CDK19: variants seen among roughly 807,000 people sequenced by gnomAD.
The protein encoded by CDK19 is cyclin dependent kinase 19, also known as cyclin-dependent kinase 19.
Under a neutral mutation model 68.3 loss-of-function variants are expected in CDK19, and 20 were observed. That is an observed-to-expected ratio of 0.29 (90% CI 0.21 to 0.43). CDK19 has a LOEUF of 0.43. CDK19 is among the 20% of genes least tolerant of loss of function. The pLI, the probability that CDK19 is intolerant of heterozygous loss-of-function variation, is 1.00. For synonymous variants in CDK19, 221 were observed against 222.8 expected, an observed-to-expected ratio of 0.99 and a Z score of 0.07; for missense variants, 339 against 623.5, an observed-to-expected ratio of 0.54 and a Z score of 4.86.
At chr6:110,770,987 C>A (rs1245151745) in intron 1 of CDK19, among the ~76,000 whole-genome samples, 1 of 152,194 alleles carries the variant, frequency 6.6e-6, no homozygotes, top group Non-Finnish European at 1.5e-5. Flanking sequence ...TGGTCTTGGG[C>A]AGCTCCAACC....
intron 1 of CDK19, among the ~76,000 whole-genome samples, chr6:110,747,250 T>C (rs555837704): frequency 2.0e-5 from 3 of 152,304 alleles, no homozygotes; most frequent in East Asian, 3.9e-4. Flanking sequence ...AAAATCCACA[T>C]TTTAAAACAC....
chr6:110,654,896 A>T (rs1326884502), intron 4 of CDK19, among the ~76,000 whole-genome samples: 1 of 151,848 alleles, frequency 6.6e-6, no homozygotes, highest in Admixed American at 6.6e-5. Context: ...AGCCAAGATC[A>T]TGCCATTGCA....
intron 4 of CDK19, among the ~76,000 whole-genome samples, chr6:110,643,520 TGGCTCAATAAATAAAAAAGGGATACTAAG>T (rs1243390194): frequency 1.8e-4 from 28 of 152,296 alleles, no homozygotes; most frequent in Admixed American, 1.3e-3. Context: ...CTGGATGAAG[TGGCTCAATAAATAAAAAAGGGATACTAAG>T]ATTTTGGGGT....
At position 110,677,594 on chromosome 6, in the gene CDK19, GAA is replaced by G; in HGVS notation, c.205-7055_205-7054del. 4.1e-5 allele frequency among the ~76,000 whole-genome samples: 6 copies of G among 148,068 alleles called. No individual in the cohort carries two copies. The South Asian group carries it at 1.3e-3, about 32-fold the overall frequency. On this transcript the variant is annotated intron_variant, in intron 2 of 12. Transcript: ENST00000368911. ...ATAAAAAAAAAAAAAAAAAAAGGAA[GAA>G]GAAGAAGAAGTGTCACCATTGAGGT...
chr6:110,765,450 G>A (rs1016780784), intron 1 of CDK19, among the ~76,000 whole-genome samples: 1 of 151,668 alleles, frequency 6.6e-6, no homozygotes, highest in Non-Finnish European at 1.5e-5. Context: ...AGGCCGAGGC[G>A]GGTGGATCAC....
At position 110,644,702 on chromosome 6, in the gene CDK19, G is replaced by A. The variant is rs532503012; in HGVS notation, c.457-5996C>T. Among the ~76,000 whole-genome samples the A allele has an allele frequency of 2.6e-5, 4 of 152,166 alleles. No individual in the cohort carries two copies. In the South Asian group the frequency reaches 8.3e-4, roughly 32 times the overall value. ...CGGCACACTTCTTGCCCCCGACCAT[G>A]GAACAGAAAGCCATGATGTTTTTAA... On this transcript the variant is annotated intron_variant, in intron 4 of 12. Transcript: ENST00000368911.
intron 2 of CDK19, among the ~76,000 whole-genome samples, chr6:110,744,650 G>A (rs1777947407): frequency 6.6e-6 from 1 of 152,180 alleles, no homozygotes; most frequent in Non-Finnish European, 1.5e-5. Flanking sequence ...CACTTGCTAT[G>A]TCAGACACTA....
intron 1 of CDK19, among the ~76,000 whole-genome samples, chr6:110,793,682 C>T (rs1781746700): frequency 6.6e-6 from 1 of 152,198 alleles, no homozygotes; most frequent in South Asian, 2.1e-4. Context: ...AACCTGTTTT[C>T]CCTTGTGTTC....
At chr6:110,650,152 A>G (rs1464989891) in intron 4 of CDK19, among the ~76,000 whole-genome samples, 1 of 152,246 alleles carries the variant, frequency 6.6e-6, no homozygotes. Context: ...ATAGAACAGG[A>G]TGCCATTTCA....
At chr6:110,810,781 AAAAAG>A (rs1002852830) in intron 1 of CDK19, among the ~76,000 whole-genome samples, 10 of 152,022 alleles carry the variant, frequency 6.6e-5, no homozygotes, top group East Asian at 1.9e-4. Context: ...CTCAAAAAAA[AAAAAG>A]AAAAGAAAAA....
At chr6:110,678,869 G>C (rs1771756256) in intron 2 of CDK19, among the ~76,000 whole-genome samples, 3 of 152,178 alleles carry the variant, frequency 2.0e-5, no homozygotes, top group Admixed American at 1.3e-4. Context: ...TCCGGTAGAG[G>C]TTCACTGACT....
At chr6:110,745,097 C>T (rs1777979802) in intron 2 of CDK19, among the ~76,000 whole-genome samples, 3 of 152,042 alleles carry the variant, frequency 2.0e-5, no homozygotes, top group South Asian at 2.1e-4. Flanking sequence ...TATGGTAAAG[C>T]CCTAATTAGC....
At chr6:110,805,189 A>G (rs1413506226) in intron 1 of CDK19, among the ~76,000 whole-genome samples, 4 of 152,196 alleles carry the variant, frequency 2.6e-5, no homozygotes, top group African/African-American at 9.7e-5. Context: ...GTAAATGGAC[A>G]AAAATCTTTA....
intron 2 of CDK19, among the ~76,000 whole-genome samples, chr6:110,733,849 C>A (rs1352819429): frequency 6.6e-6 from 1 of 152,018 alleles, no homozygotes; most frequent in African/African-American, 2.4e-5. Context: ...TACCACTATT[C>A]TTGACTTACC....
rs113319862 is a variant in CDK19, at chr6:110,709,029, G to A, written c.204+37097C>T. Among the ~76,000 whole-genome samples, 928 of 152,042 alleles carry A rather than the reference G, an allele frequency of 6.1e-3. 12 individuals carry two copies. The highest frequency in any genetic ancestry group is 0.021 in the African/African-American group (890 of 41,456). Reference sequence around the variant, plus strand: ...GGGATGCAAGGCTGGTTCAACATACGCAAATCAATAAATGTAATCTATCAC... The same window carrying A: ...GGGATGCAAGGCTGGTTCAACATACACAAATCAATAAATGTAATCTATCAC... On this transcript the variant is annotated intron_variant, in intron 2 of 12. Transcript: ENST00000368911.
chr6:110,672,540 T>C (rs565212007), intron 2 of CDK19, among the ~76,000 whole-genome samples: 1 of 152,386 alleles, frequency 6.6e-6, no homozygotes, highest in South Asian at 2.1e-4. Context: ...TACAAGGTTA[T>C]ATATTGAAAT....
chr6:110,639,590 T>G (rs1273761736), intron 4 of CDK19, among the ~76,000 whole-genome samples: 2 of 152,224 alleles, frequency 1.3e-5, no homozygotes, highest in Non-Finnish European at 2.9e-5. Context: ...TTGTATAATA[T>G]TAGAAGCTAG....
chr6:110,815,567 T>G, upstream of CDK19: 1 of 154,784 alleles, frequency 6.5e-6, no homozygotes. Context: ...AGCTCCCAGG[T>G]TACCTCGGGC....
In CDK19 at chr6:110,739,805, T is replaced by TATG. The variant is rs1777520650; in HGVS notation, c.204+6320_204+6321insCAT. On this transcript the variant is annotated intron_variant, in intron 2 of 12. Coordinates refer to ENST00000368911, the MANE Select transcript of CDK19 (RefSeq NM_015076.5). ...GCCACTATGCCCAGCTAATTATTATTATTATTATTATTATTATAGAGACAG... is the reference window on the plus strand; with the variant it reads ...GCCACTATGCCCAGCTAATTATTATTATGATTATTATTATTATTATAGAGACAG... Among the ~76,000 whole-genome samples, 12 of 150,458 alleles carry TATG rather than the reference T, an allele frequency of 8.0e-5. No homozygotes were observed. In the South Asian group the frequency reaches 2.5e-3, roughly 32 times the overall value.
Sources: gnomAD v4.1 joint callset for allele counts (sites outside exome capture counted in the v4.1 genomes callset) on GRCh38, gnomAD v4.1.1 for gene constraint, MANE v1.5 for transcripts, NCBI Gene and HGNC (gene_info 2026-07-23, HGNC 2026-07-21) for gene names.